The following FHIT variants were observed in gnomAD, a reference collection of about 807,000 sequenced individuals.
FHIT encodes the protein bis(5'-adenosyl)-triphosphatase.
A neutral mutation model predicts 17.9 loss-of-function variants in FHIT; 19 were observed. The observed-to-expected ratio is 1.06, with a 90% CI of 0.74 to 1.56. FHIT has a LOEUF of 1.56. Among genes scored for constraint, FHIT ranks in the 40% most tolerant of loss-of-function variants. The pLI is 0.00. For synonymous variants in FHIT, 81 were observed against 69.7 expected (o/e 1.16, Z -0.81); for missense variants, 248 against 189.2 (o/e 1.31, Z -1.82).
chr3:60,583,863 C>T (rs150190158), intron 4 of FHIT, among the ~76,000 whole-genome samples: 49 of 152,220 alleles, frequency 3.2e-4, no homozygotes, highest in African/African-American at 1.1e-3. Flanking sequence ...CCCCAAACCA[C>T]TTTTTGCTAT....
intron 2 of FHIT, among the ~76,000 whole-genome samples, chr3:61,091,704 T>C (rs1028561203): frequency 6.6e-6 from 1 of 151,698 alleles, no homozygotes; most frequent in Non-Finnish European, 1.5e-5. Context: ...TCTTAGCACT[T>C]TGGGAGGCCG....
At chr3:61,177,185 AAAAAAG>A (rs200828970) in intron 2 of FHIT, among the ~76,000 whole-genome samples, 64,734 of 146,454 alleles carry the variant, frequency 0.44, 14,962 homozygotes, top group East Asian at 0.86. Flanking sequence ...TCAAAAAAAA[AAAAAAG>A]AAAAAGAAAG....
chr3:60,150,348 T>C lies in FHIT; in HGVS notation c.104-136196A>G, dbSNP rs558403312. Reference sequence around the variant, plus strand: ...AGGAATACGGTACTGTAATTTCTCCTTGGGTATAAAATATATTGGAGTCAA... The same window carrying C: ...AGGAATACGGTACTGTAATTTCTCCCTGGGTATAAAATATATTGGAGTCAA... On this transcript the variant is annotated intron_variant, in intron 5 of 9. Coordinates refer to ENST00000492590, the MANE Select transcript of FHIT (RefSeq NM_002012.4). Among the ~76,000 whole-genome samples, 8 of 152,222 alleles carry C rather than the reference T, an allele frequency of 5.3e-5. No individual in the cohort carries two copies. In the East Asian group the frequency reaches 1.6e-3, roughly 30 times the overall value.
intron 8 of FHIT, among the ~76,000 whole-genome samples, chr3:59,807,086 A>G (rs1345726014): frequency 6.6e-6 from 1 of 152,180 alleles, no homozygotes; most frequent in Non-Finnish European, 1.5e-5. Flanking sequence ...CTGCTAAGGG[A>G]CTTGCCTGAG....
At chr3:61,192,349 T>C (rs923270613) in intron 2 of FHIT, among the ~76,000 whole-genome samples, 2 of 152,232 alleles carry the variant, frequency 1.3e-5, no homozygotes, top group African/African-American at 4.8e-5. Flanking sequence ...TGACAGTGCT[T>C]AGCAATCTGT....
intron 3 of FHIT, among the ~76,000 whole-genome samples, chr3:60,872,984 T>C (rs2107077878): frequency 6.6e-6 from 1 of 152,302 alleles, no homozygotes; most frequent in East Asian, 1.9e-4. Context: ...CACCGGACAC[T>C]CCTGCAACAT....
chr3:60,005,918 A>C (rs1383180360), intron 7 of FHIT, among the ~76,000 whole-genome samples: 1 of 152,196 alleles, frequency 6.6e-6, no homozygotes, highest in East Asian at 1.9e-4. Context: ...TGAGAGCAGC[A>C]GCCCCCTACA....
chr3:60,546,384 A>G (rs893512246), intron 4 of FHIT, among the ~76,000 whole-genome samples: 4 of 152,202 alleles, frequency 2.6e-5, no homozygotes, highest in Non-Finnish European at 5.9e-5. Context: ...TTAAAAGCAG[A>G]TCAGGATCTT....
At chr3:60,508,824 G>A (rs948586059) in intron 5 of FHIT, among the ~76,000 whole-genome samples, 1 of 151,942 alleles carries the variant, frequency 6.6e-6, no homozygotes, top group African/African-American at 2.4e-5. Context: ...TCACAGCTTA[G>A]CTTCTCAAAA....
rs71092647 is a variant in FHIT at position 60,859,723 on chromosome 3, A to AT, written c.-110-37713dup. Among the ~76,000 whole-genome samples the AT allele has an allele frequency of 7.7e-5, 4 of 51,886 alleles. 1 individual carries two copies. The highest frequency in any genetic ancestry group is 3.0e-4 in the African/African-American group (4 of 13,196). 34.0% of individuals were successfully genotyped at this position (51,886 alleles called of 152,430 possible). A position where few individuals can be genotyped will look rare whatever the true frequency, so the allele number is the denominator to read the frequency against. On this transcript the variant is annotated intron_variant, in intron 3 of 9. Coordinates refer to ENST00000492590, the MANE Select transcript of FHIT (RefSeq NM_002012.4). ...ACATTTGCAGTGGATTCTGAATACG[A>AT]TTTTTTTTTTTTTTTTTTTTTTTTT...
At chr3:59,969,580 TA>T (rs1708084360) in intron 7 of FHIT, among the ~76,000 whole-genome samples, 1 of 151,974 alleles carries the variant, frequency 6.6e-6, no homozygotes, top group South Asian at 2.1e-4. Context: ...AAACAAACAC[TA>T]ATGGGAACAG....
intron 4 of FHIT, among the ~76,000 whole-genome samples, chr3:60,801,078 G>T (rs1200288390): frequency 1.3e-5 from 2 of 152,104 alleles, no homozygotes; most frequent in Non-Finnish European, 2.9e-5. Flanking sequence ...AACAACTACA[G>T]GCACCTAGGG....
intron 5 of FHIT, among the ~76,000 whole-genome samples, chr3:60,508,268 A>T (rs1276938828): frequency 1.3e-5 from 2 of 152,206 alleles, no homozygotes. Flanking sequence ...TGTTAGAAAA[A>T]GAAGGATGTT....
chr3:60,561,638 G>T (rs1196217558), intron 4 of FHIT, among the ~76,000 whole-genome samples: 1 of 152,128 alleles, frequency 6.6e-6, no homozygotes, highest in African/African-American at 2.4e-5. Context: ...GCAACTCAGT[G>T]ACTGAGCTTT....
At chr3:60,053,778 C>T (rs1468061307) in intron 5 of FHIT, among the ~76,000 whole-genome samples, 2 of 152,082 alleles carry the variant, frequency 1.3e-5, no homozygotes, top group Non-Finnish European at 2.9e-5. Flanking sequence ...TACTTCATCT[C>T]ATCACTTTAC....
At chr3:60,367,620 T>C (rs552690091) in intron 5 of FHIT, among the ~76,000 whole-genome samples, 3 of 152,204 alleles carry the variant, frequency 2.0e-5, no homozygotes, top group Admixed American at 6.5e-5. Context: ...AAGTCATAAT[T>C]AGCTATTTTA....
At chr3:61,251,117 T>G (rs1339200219) in intron 1 of FHIT, among the ~76,000 whole-genome samples, 184 bp downstream of exon 1, 1 of 152,000 alleles carries the variant, frequency 6.6e-6, no homozygotes, top group Admixed American at 6.6e-5. Flanking sequence ...TGCTTGGGAA[T>G]TGGGGGGCCC....
chr3:60,904,857 T>C (rs532501449), intron 3 of FHIT, among the ~76,000 whole-genome samples: 2 of 151,198 alleles, frequency 1.3e-5, no homozygotes, highest in Non-Finnish European at 2.9e-5. Flanking sequence ...GAGAATTGCT[T>C]GAACCCGGGA....
At chr3:60,512,580 CTG>C (rs35203845) in intron 5 of FHIT, among the ~76,000 whole-genome samples, 23,667 of 152,120 alleles carry the variant, frequency 0.16, 2,171 homozygotes, top group Middle Eastern at 0.24. Context: ...AAGAAAAAAA[CTG>C]TGTCTTTTAC....
Sources: gnomAD v4.1 joint callset for allele counts (sites outside exome capture counted in the v4.1 genomes callset) on GRCh38, gnomAD v4.1.1 for gene constraint, MANE v1.5 for transcripts, NCBI Gene and HGNC (gene_info 2026-07-23, HGNC 2026-07-21) for gene names.